RCAN3: variants seen among roughly 807,000 people sequenced by gnomAD.
RCAN3 encodes regulator of calcineurin 3.
RCAN3 carries 19 observed loss-of-function variants against 21.9 expected under a neutral mutation model. The ratio of observed to expected loss-of-function variants is 0.87; its 90% CI spans 0.61 to 1.27. The LOEUF (loss-of-function observed/expected upper bound fraction) is 1.27. RCAN3 is among the 50% of genes most tolerant of loss of function. The pLI is 0.00. For synonymous variants in RCAN3, 114 were observed against 112.3 expected, an observed-to-expected ratio of 1.01 and a Z score of -0.09; for missense variants, 240 against 300.1, an observed-to-expected ratio of 0.80 and a Z score of 1.48.
At chr1:24,529,550 C>CTTT (rs35257073) in intron 2 of RCAN3, among the ~76,000 whole-genome samples, 12 of 89,524 alleles carry the variant, frequency 1.3e-4, no homozygotes, top group African/African-American at 3.7e-4. Context: ...CTCTGTCTCT[C>CTTT]TTTTTTTTTT....
chr1:24,529,953 A>G (rs1213680998), intron 2 of RCAN3, among the ~76,000 whole-genome samples: 1 of 150,622 alleles, frequency 6.6e-6, no homozygotes, highest in Non-Finnish European at 1.5e-5. Flanking sequence ...CTGAGGCAGG[A>G]GGATCACTTG....
intron 1 of RCAN3, among the ~76,000 whole-genome samples, chr1:24,506,567 C>T (rs1302953478): frequency 1.3e-5 from 2 of 151,448 alleles, no homozygotes; most frequent in African/African-American, 4.9e-5. Context: ...AAATGCATGT[C>T]TATAAAAATA....
intron 4 of RCAN3, among the ~76,000 whole-genome samples, chr1:24,534,650 A>C (rs1460582440): frequency 6.6e-6 from 1 of 151,604 alleles, no homozygotes; most frequent in East Asian, 1.9e-4. Context: ...AAATACAAAA[A>C]TTAGCTGGGC....
chr1:24,503,639 G>A (rs1647244293), intron 1 of RCAN3, among the ~76,000 whole-genome samples: 1 of 152,262 alleles, frequency 6.6e-6, no homozygotes, highest in African/African-American at 2.4e-5. Flanking sequence ...CGCCTGGACA[G>A]GTAGGGCAGG....
intron 2 of RCAN3, among the ~76,000 whole-genome samples, chr1:24,522,977 A>G (rs1648938090): frequency 1.3e-5 from 2 of 152,264 alleles, no homozygotes; most frequent in Admixed American, 1.3e-4. Context: ...AGGTTGAACC[A>G]TATGAAATTG....
At chr1:24,532,952 A>AG in intron 3 of RCAN3, 131 bp from the exon 4 acceptor site, 1 of 459,732 alleles carries the variant, frequency 2.2e-6, no homozygotes, top group African/African-American at 2.1e-5. Context: ...CCGTCTCAAA[A>AG]AAAAAAAAAA....
chr1:24,503,592 C>T (rs1647239238), intron 1 of RCAN3, among the ~76,000 whole-genome samples: 1 of 152,222 alleles, frequency 6.6e-6, no homozygotes, highest in South Asian at 2.1e-4. Flanking sequence ...TAGTGACTCC[C>T]TAACTTCTTG....
rs1173409766 is a variant in RCAN3 at position 24,514,497 on chromosome 1, T to C, written c.125T>C (p.Leu42Ser). The C allele has an allele frequency of 6.8e-6, 11 of 1,614,176 alleles. No homozygotes were observed. In the South Asian group the frequency reaches 8.8e-5, roughly 13 times the overall value. The change falls in exon 2 of 5, where the codon TTA becomes TCA. Residue 42 changes from leucine (L) to serine (S), a missense_variant. Leu to Ser is a moderately radical substitution (Grantham distance 145). Coordinates refer to ENST00000374395, the MANE Select transcript of RCAN3 (RefSeq NM_013441.4). ...GATGATTTGGATGAGATGATGGATT[T>C]AAGTGATCTGCCTACCTCACTTTTT... ...NEDDLDEMMD[L>S]SDLPTSLFAC...
At chr1:24,508,040 G>C (rs1470364921) in intron 1 of RCAN3, among the ~76,000 whole-genome samples, 1 of 152,112 alleles carries the variant, frequency 6.6e-6, no homozygotes. Flanking sequence ...GATTGCGCCA[G>C]TGAGCCGAGA....
intron 2 of RCAN3, among the ~76,000 whole-genome samples, chr1:24,517,808 C>T (rs1233123051): frequency 1.3e-5 from 2 of 152,022 alleles, no homozygotes; most frequent in Non-Finnish European, 2.9e-5. Context: ...GCCTGGGCAA[C>T]AGAGTGAGAC....
rs961628653 is a variant in RCAN3 at position 24,525,574 on chromosome 1, T to G, written c.196-5644T>G. On this transcript the variant is annotated intron_variant, in intron 2 of 4. Transcript: ENST00000374395. This position sits in a 1 kb window ranked among gnomAD's most constrained non-coding sequence, Gnocchi z 4.1. ...CCCATTATCTTTTCTCAAATAAATA[T>G]GCGGCCATCACCCAACAGGATGATG... is the stretch of plus-strand genomic sequence containing the variant. Among the ~76,000 whole-genome samples the G allele has an allele frequency of 6.6e-6, 1 of 152,198 alleles. No homozygotes were observed. Among genetic ancestry groups the G allele is most frequent in the Non-Finnish European group, 1.5e-5 (1 of 68,032 alleles).
chr1:24,538,357 T>G lies in RCAN3; in HGVS notation c.*3080T>G, dbSNP rs563456592. 6.6e-6 allele frequency: 1 copy of G among 152,256 alleles called. No individual in the cohort carries two copies. The highest frequency in any genetic ancestry group is 2.1e-4 in the South Asian group (1 of 4,826). The allele number at this position is 152,256 out of a possible 1,614,324, so 9.4% of individuals were successfully genotyped here. On this transcript the variant is annotated 3_prime_UTR_variant, in exon 5 of 5. Coordinates refer to ENST00000374395, the MANE Select transcript of RCAN3 (RefSeq NM_013441.4). ...AGCAAAGCTTCAAGGAACTTTTAAG[T>G]TCAACATAAAGGTTTAAATAAAATA... is the stretch of plus-strand genomic sequence containing the variant.
At chr1:24,533,628 C>T (rs529667166) in intron 4 of RCAN3, among the ~76,000 whole-genome samples, 5 of 152,164 alleles carry the variant, frequency 3.3e-5, no homozygotes, top group East Asian at 1.9e-4. Context: ...GGGGAAACCC[C>T]GTCTCTACTA....
chr1:24,507,660 C>A (rs1376570941), intron 1 of RCAN3: 1 of 152,262 alleles, frequency 6.6e-6, no homozygotes, highest in Non-Finnish European at 1.5e-5. Context: ...CAGTGAGATA[C>A]ACTGTCACTC....
chr1:24,519,633 T>C (rs1648634450), intron 2 of RCAN3, among the ~76,000 whole-genome samples: 1 of 152,194 alleles, frequency 6.6e-6, no homozygotes, highest in Non-Finnish European at 1.5e-5. Flanking sequence ...TTTCTGATTA[T>C]GGTGGTTGAG....
chr1:24,531,658 T>C (rs1162567262), intron 3 of RCAN3, among the ~76,000 whole-genome samples: 2 of 152,228 alleles, frequency 1.3e-5, no homozygotes, highest in Admixed American at 6.5e-5. Flanking sequence ...ACTGGGACTC[T>C]GCGTGGGTTA....
chr1:24,530,583 A>G lies in RCAN3; in HGVS notation c.196-635A>G, dbSNP rs148890550. On this transcript the variant is annotated intron_variant, in intron 2 of 4. Transcript: ENST00000374395. ...AGGAATGTGACAGAGGGAAAAACCA[A>G]CCTTGTCCCACCGGGGACATCAGAA... Among the ~76,000 whole-genome samples, 491 of 152,288 alleles carry G rather than the reference A, an allele frequency of 3.2e-3. 2 individuals carry two copies. The highest frequency in any genetic ancestry group is 5.4e-3 in the Non-Finnish European group (368 of 68,028).
chr1:24,522,612 T>C (rs1039258700), intron 2 of RCAN3, among the ~76,000 whole-genome samples: 11 of 152,128 alleles, frequency 7.2e-5, no homozygotes, highest in Non-Finnish European at 1.5e-4. Context: ...CCGGTGCCAC[T>C]GTTCCCAGGC....
rs912100446 is a variant in RCAN3, at chr1:24,538,101, C to T, written c.*2824C>T. ...TCACAGAACCGACGCTGCATTGGCT[C>T]TTAGGTTCTAGATTTTTGTAGCACA... On this transcript the variant is annotated 3_prime_UTR_variant, in exon 5 of 5. Transcript: ENST00000374395. 1.3e-5 allele frequency: 2 copies of T among 152,184 alleles called. No homozygotes were observed. The highest frequency in any genetic ancestry group is 2.9e-5 in the Non-Finnish European group (2 of 68,034). The allele number at this position is 152,184 out of a possible 1,614,324, so 9.4% of individuals were successfully genotyped here.
Sources: allele counts gnomAD v4.1 joint callset (sites outside exome capture counted in the v4.1 genomes callset), GRCh38; gene constraint gnomAD v4.1.1; non-coding constraint Gnocchi (gnomAD v3.1); transcripts MANE v1.5; gene names NCBI Gene and HGNC (gene_info 2026-07-23, HGNC 2026-07-21).